Variants in ZSCAN1 observed in about 807,000 individuals in gnomAD.
ZSCAN1 encodes the protein zinc finger and SCAN domain-containing protein 1.
ZSCAN1 carries 23 observed loss-of-function variants against 23.8 expected under a neutral mutation model. That is an observed-to-expected ratio of 0.97 (90% CI 0.70 to 1.37). The LOEUF is 1.37. Ranked by LOEUF, ZSCAN1 falls within the 40% of genes most tolerant of loss-of-function variation. The pLI, the probability that ZSCAN1 is intolerant of heterozygous loss-of-function variation, is 0.00. For synonymous variants in ZSCAN1, 236 were observed against 232.3 expected, an observed-to-expected ratio of 1.02 and a Z score of -0.15; for missense variants, 575 against 554.0, an observed-to-expected ratio of 1.04 and a Z score of -0.38.
chr19:58,043,521 T>C (rs1325836384), intron 4 of ZSCAN1, among the ~76,000 whole-genome samples: 1 of 152,182 alleles, frequency 6.6e-6, no homozygotes, highest in East Asian at 1.9e-4. Flanking sequence ...GTCTGAGTGG[T>C]GAGTGAATGT....
intron 4 of ZSCAN1, among the ~76,000 whole-genome samples, chr19:58,048,636 T>A (rs533468800): frequency 2.0e-5 from 3 of 152,330 alleles, no homozygotes; most frequent in African/African-American, 7.2e-5. Context: ...TTTTGTACTT[T>A]TAGTAGAGAT....
rs959513382 is a variant in ZSCAN1, at chr19:58,046,689, G to A, written c.466-5801G>A. 1.3e-5 allele frequency: 11 copies of A among 869,298 alleles called. No homozygotes were observed. In the African/African-American group the frequency reaches 1.6e-4, roughly 13 times the overall value. The allele number at this position is 869,298 out of a possible 1,614,324, so 53.8% of individuals were successfully genotyped here. Reference sequence around the variant, plus strand: ...ACGTCTCCACCAGTCAGGTGGCCGAGATTGTAGCAACACTGGAAAAAGAGG... The same window carrying A: ...ACGTCTCCACCAGTCAGGTGGCCGAAATTGTAGCAACACTGGAAAAAGAGG... On this transcript the variant is annotated intron_variant, in intron 4 of 5. Transcript: ENST00000282326.
chr19:58,053,622 GCACAC>G lies in ZSCAN1; in HGVS notation c.801_805del (p.His267GlnfsTer69). 1 of 1,614,146 alleles carries G rather than the reference GCACAC, an allele frequency of 6.2e-7. No homozygotes were observed. Among genetic ancestry groups the G allele is most frequent in the Non-Finnish European group, 8.5e-7 (1 of 1,180,036 alleles). ...GCGGCCGCCACCAGCCATCCCTCAA[GCACAC>G]CAAAGGTGGTACCCAAGAGGCTGTT... On this transcript the variant is annotated frameshift_variant, in exon 6 of 6. Transcript: ENST00000282326. LOFTEE classifies it low-confidence loss of function (END_TRUNC). This position sits in a 1 kb window ranked among gnomAD's most constrained non-coding sequence, Gnocchi z 5.8.
intron 2 of ZSCAN1, among the ~76,000 whole-genome samples, chr19:58,037,169 A>G (rs1414498087): frequency 6.6e-6 from 1 of 152,058 alleles, no homozygotes; most frequent in Non-Finnish European, 1.5e-5. Flanking sequence ...TATGTAGCCC[A>G]CCTGGCTGCT....
rs1033545843 is a variant in ZSCAN1, at chr19:58,045,537, G to T, written c.465+4993G>T. On this transcript the variant is annotated intron_variant, in intron 4 of 5. Transcript: ENST00000282326. The surrounding 1 kb of genome is among the most constrained non-coding windows in gnomAD (Gnocchi z 4.3). The stretch of plus-strand genomic sequence containing the variant: ...ATTATTTGAGGATGAGCTGACCCTT[G>T]ACAACCTGACACGGCCGCAGCTGGT... The T allele has an allele frequency of 3.6e-6, 5 of 1,382,384 alleles. No homozygotes were observed. In the African/African-American group the frequency reaches 7.1e-5, roughly 20 times the overall value. 85.6% of individuals were successfully genotyped at this position (1,382,384 alleles called of 1,614,324 possible).
intron 4 of ZSCAN1, among the ~76,000 whole-genome samples, chr19:58,052,013 G>A (rs545044463): frequency 2.6e-4 from 39 of 152,218 alleles, no homozygotes; most frequent in Non-Finnish European, 5.1e-4. Flanking sequence ...CTGTGAAGTC[G>A]CCCACTTCCT....
At chr19:58,046,750 T>G in intron 4 of ZSCAN1, 1 of 769,956 alleles carries the variant, frequency 1.3e-6, no homozygotes, top group Non-Finnish European at 2.4e-6. Context: ...GAGAAGGAGG[T>G]TGCAGAGGTG....
At chr19:58,041,020 C>G (rs1316211418) in intron 4 of ZSCAN1, among the ~76,000 whole-genome samples, 1 of 152,312 alleles carries the variant, frequency 6.6e-6, no homozygotes, top group African/African-American at 2.4e-5. Context: ...AAGCGGATCT[C>G]TGTGTGGCTG....
chr19:58,051,987 A>G (rs1187217561), intron 4 of ZSCAN1, among the ~76,000 whole-genome samples: 3 of 152,234 alleles, frequency 2.0e-5, no homozygotes, highest in African/African-American at 7.2e-5. Context: ...CATAGGTCGC[A>G]GGTGGGATGT....
At chr19:58,038,335 C>A in intron 3 of ZSCAN1, 129 bp downstream of exon 3, 1 of 1,208,004 alleles carries the variant, frequency 8.3e-7, no homozygotes, top group Non-Finnish European at 1.1e-6. Flanking sequence ...CAAACCTCTC[C>A]TGCCCCGCGG....
At chr19:58,044,603 A>T in intron 4 of ZSCAN1, 1 of 1,021,576 alleles carries the variant, frequency 9.8e-7, no homozygotes, top group Non-Finnish European at 1.5e-6. Flanking sequence ...GTCCATCTTA[A>T]TGAGGAGCTG....
Position 58,053,616 on chromosome 19 carries a change from C to CTT in ZSCAN1, c.792_793insTT (p.Leu265PhefsTer18). ...ACCAGAGCGGCCGCCACCAGCCATC[C>CTT]CTCAAGCACACCAAAGGTGGTACCC... On this transcript the variant is annotated frameshift_variant, in exon 6 of 6. Transcript: ENST00000282326. LOFTEE classifies it low-confidence loss of function (END_TRUNC). The surrounding 1 kb of genome is among the most constrained non-coding windows in gnomAD (Gnocchi z 5.8). 6.2e-7 allele frequency: 1 copy of CTT among 1,614,136 alleles called. No homozygotes were observed. The highest frequency in any genetic ancestry group is 2.2e-5 in the East Asian group (1 of 44,868).
In ZSCAN1 at chr19:58,053,992, C is replaced by T. The variant is rs1373235310; in HGVS notation, c.1168C>T (p.Pro390Ser). The change falls in exon 6 of 6, where the codon CCC (proline) becomes TCC (serine). Residue 390 changes from proline (P) to serine (S), a missense_variant. Transcript: ENST00000282326. This position sits in a 1 kb window ranked among gnomAD's most constrained non-coding sequence, Gnocchi z 5.8. ...FQCSVCGKAF[P>S]WMVHLIDHQK... ...GTGTAGCGTCTGCGGGAAGGCCTTCCCCTGGATGGTCCACCTCATTGACCA... is the reference window on the plus strand; with the variant it reads ...GTGTAGCGTCTGCGGGAAGGCCTTCTCCTGGATGGTCCACCTCATTGACCA... 12 of 1,579,856 alleles carry T rather than the reference C, an allele frequency of 7.6e-6. No homozygotes were observed. Among genetic ancestry groups the T allele is most frequent in the Admixed American group, 1.8e-5 (1 of 55,598 alleles).
chr19:58,046,683 G>A, intron 4 of ZSCAN1: 1 of 872,590 alleles, frequency 1.1e-6, no homozygotes, highest in Non-Finnish European at 2.0e-6. Flanking sequence ...CCAGTCAGGT[G>A]GCCGAGATTG....
Position 58,053,945 on chromosome 19 carries a change from G to C in ZSCAN1, c.1121G>C (p.Arg374Pro). The C allele has an allele frequency of 6.2e-7, 1 of 1,611,628 alleles. No individual in the cohort carries two copies. The highest frequency in any genetic ancestry group is 8.5e-7 in the Non-Finnish European group (1 of 1,178,706). The change falls in exon 6 of 6, where the codon CGC becomes CCC. Residue 374 changes from arginine to proline, a missense_variant. Arg to Pro is a moderately radical substitution (Grantham distance 103). Coordinates refer to ENST00000282326, the MANE Select transcript of ZSCAN1 (RefSeq NM_182572.4). This position sits in a 1 kb window ranked among gnomAD's most constrained non-coding sequence, Gnocchi z 5.8. ...RDGAQGPVAP[R>P]SPKRPFQCSV... ...GGAGCCCAGGGCCCAGTGGCCCCTC[G>C]CAGCCCCAAAAGACCCTTCCAGTGT...
chr19:58,040,654 C>A lies in ZSCAN1; in HGVS notation c.465+110C>A. On this transcript the variant is annotated intron_variant, in intron 4 of 5. Transcript: ENST00000282326. This position sits in a 1 kb window ranked among gnomAD's most constrained non-coding sequence, Gnocchi z 5.8. ...AAGGACTGTGTGAGGTTGTCCCCAGCGCTCCCAGGAAGCCCGGCCTCCAAA... is the reference window on the plus strand; with the variant it reads ...AAGGACTGTGTGAGGTTGTCCCCAGAGCTCCCAGGAAGCCCGGCCTCCAAA... 1 of 1,096,796 alleles carries A rather than the reference C, an allele frequency of 9.1e-7. No homozygotes were observed. 67.9% of individuals were successfully genotyped at this position (1,096,796 alleles called of 1,614,324 possible). A position where few individuals can be genotyped will look rare whatever the true frequency, so the allele number is the denominator to read the frequency against.
In ZSCAN1 at chr19:58,054,210, G is replaced by A; in HGVS notation, c.*159G>A. 2.0e-6 allele frequency: 2 copies of A among 1,019,668 alleles called. No individual in the cohort carries two copies. The highest frequency in any genetic ancestry group is 4.1e-5 in the South Asian group (2 of 49,246). The allele number at this position is 1,019,668 out of a possible 1,614,324, so 63.2% of individuals were successfully genotyped here. ...GTTTCTCGGAAGACCCTGGACACCT[G>A]CTCCGAAGCCAAGCACGGGATGGGG... On this transcript the variant is annotated 3_prime_UTR_variant, in exon 6 of 6. Transcript: ENST00000282326. This position sits in a 1 kb window ranked among gnomAD's most constrained non-coding sequence, Gnocchi z 4.2.
chr19:58,051,953 GAC>G (rs1343491750), intron 4 of ZSCAN1, among the ~76,000 whole-genome samples: 2 of 152,246 alleles, frequency 1.3e-5, no homozygotes, highest in African/African-American at 4.8e-5. Flanking sequence ...CTTTGGGCGG[GAC>G]ACGGTTAGGT....
chr19:58,038,196 C>T lies in ZSCAN1; in HGVS notation c.360C>T (p.Cys120=), dbSNP rs1424619767. 1.9e-6 allele frequency: 3 copies of T among 1,605,276 alleles called. No individual in the cohort carries two copies. Among genetic ancestry groups the T allele is most frequent in the South Asian group, 2.2e-5 (2 of 90,338 alleles). Residue 120 remains cysteine, a synonymous_variant, in exon 3 of 6, where the codon TGC becomes TGT. Transcript: ENST00000282326. ...TGGTGGAGGACCTCACACAGATGTG[C>T]CAGCAGGAAGGTGAGAGGCGCAGGC... ...ASLVEDLTQM[C]QQEVLVSLDS...
Sources: gnomAD v4.1 joint callset for allele counts (sites outside exome capture counted in the v4.1 genomes callset) on GRCh38, gnomAD v4.1.1 for gene constraint, Gnocchi (gnomAD v3.1) non-coding constraint, MANE v1.5 for transcripts, NCBI Gene and HGNC (gene_info 2026-07-23, HGNC 2026-07-21) for gene names.